The following MAGI3 variants were observed in gnomAD, a reference collection of about 807,000 sequenced individuals.
The protein encoded by MAGI3 is membrane-associated guanylate kinase, WW and PDZ domain-containing protein 3.
In MAGI3, 43 loss-of-function variants were observed where a neutral mutation model predicts 121.8. The ratio of observed to expected loss-of-function variants is 0.35; its 90% CI spans 0.28 to 0.46. The LOEUF (loss-of-function observed/expected upper bound fraction) is 0.46, where lower values mean the gene tolerates loss of function less well. MAGI3 is among the 20% of genes least tolerant of loss of function. MAGI3 has a pLI of 1.00. For missense variants in MAGI3, 1,547 were observed against 1,797.3 expected, an observed-to-expected ratio of 0.86 and a Z score of 2.52; for synonymous variants, 553 against 639.3, an observed-to-expected ratio of 0.86 and a Z score of 2.04.
intron 1 of MAGI3, among the ~76,000 whole-genome samples, chr1:113,545,058 G>A (rs1659466619): frequency 6.7e-6 from 1 of 149,028 alleles, no homozygotes; most frequent in Non-Finnish European, 1.5e-5. Flanking sequence ...ACAAAATATA[G>A]TTTTTTGTTT....
intron 1 of MAGI3, among the ~76,000 whole-genome samples, chr1:113,530,905 GC>G (rs200694214): frequency 1.5e-4 from 18 of 122,036 alleles, no homozygotes; most frequent in African/African-American, 4.7e-4. Flanking sequence ...AGCAGAGCAA[GC>G]CCCTGTCTCA....
chr1:113,549,511 C>A lies in MAGI3; in HGVS notation c.317-4C>A. ...TCTGTTTTTTTTTTTTGTCTTTGCT[C>A]CAGGCAAAGTCATTAATAAAGATTT... On this transcript the variant is annotated splice_polypyrimidine_tract_variant and splice_region_variant and intron_variant, in intron 1 of 20. Transcript: ENST00000307546. 2 of 1,463,388 alleles carry A rather than the reference C, an allele frequency of 1.4e-6. No individual in the cohort carries two copies. The highest frequency in any genetic ancestry group is 1.9e-6 in the Non-Finnish European group (2 of 1,073,376). The allele number at this position is 1,463,388 out of a possible 1,614,324, so 90.7% of individuals were successfully genotyped here. A position where few individuals can be genotyped will look rare whatever the true frequency, so the allele number is the denominator to read the frequency against.
chr1:113,401,696 A>G (rs1651416113), intron 1 of MAGI3, among the ~76,000 whole-genome samples: 1 of 152,160 alleles, frequency 6.6e-6, no homozygotes, highest in African/African-American at 2.4e-5. Flanking sequence ...GAGCCTAGAA[A>G]ATGTTCTGGT....
chr1:113,436,811 CTTTT>C (rs1026496354), intron 1 of MAGI3, among the ~76,000 whole-genome samples: 1 of 124,126 alleles, frequency 8.1e-6, no homozygotes, highest in Non-Finnish European at 1.7e-5. Flanking sequence ...TAAAGACAGT[CTTTT>C]TTTTTTTTTT....
chr1:113,468,237 G>A (rs1026999861), intron 1 of MAGI3, among the ~76,000 whole-genome samples: 1 of 152,090 alleles, frequency 6.6e-6, no homozygotes, highest in Non-Finnish European at 1.5e-5. Context: ...AATATATAGT[G>A]ACTTAGTACT....
intron 1 of MAGI3, among the ~76,000 whole-genome samples, chr1:113,408,525 TTGTCTTTAAAAGTCAAACTAATTGTC>T (rs555925715): frequency 0.023 from 3,521 of 152,192 alleles, 132 homozygotes; most frequent in African/African-American, 0.08. Flanking sequence ...TGAGACATGT[TTGTCTTTAAAAGTCAAACTAATTGTC>T]TGTCTTTAAA....
chr1:113,514,921 A>G (rs1195899141), intron 1 of MAGI3, among the ~76,000 whole-genome samples: 1 of 152,096 alleles, frequency 6.6e-6, no homozygotes, highest in Non-Finnish European at 1.5e-5. Context: ...TAAGAGAGGA[A>G]TTTTCATACT....
At chr1:113,531,251 A>G (rs181399924) in intron 1 of MAGI3, among the ~76,000 whole-genome samples, 6 of 152,316 alleles carry the variant, frequency 3.9e-5, no homozygotes, top group African/African-American at 1.2e-4. Flanking sequence ...CTTAACAGTC[A>G]CTGGAACAAT....
At position 113,684,602 on chromosome 1, in the gene MAGI3, A is replaced by G. The variant is rs1036196661; in HGVS notation, c.*588A>G. ...ACCCCCAAACATCACTACTTTAAGGAAAAAAAAAATGTAGTCCAATATTGA... is the reference window on the plus strand; with the variant it reads ...ACCCCCAAACATCACTACTTTAAGGGAAAAAAAAATGTAGTCCAATATTGA... On this transcript the variant is annotated 3_prime_UTR_variant, in exon 21 of 21. Transcript: ENST00000307546. The G allele has an allele frequency of 3.3e-5, 4 of 121,334 alleles. No homozygotes were observed. Among genetic ancestry groups the G allele is most frequent in the African/African-American group, 1.0e-4 (4 of 38,772 alleles). 7.5% of individuals were successfully genotyped at this position (121,334 alleles called of 1,614,324 possible).
chr1:113,538,907 G>A (rs989121369), intron 1 of MAGI3, among the ~76,000 whole-genome samples: 1 of 152,166 alleles, frequency 6.6e-6, no homozygotes, highest in Non-Finnish European at 1.5e-5. Flanking sequence ...CAGCTTTCAT[G>A]TAGAACTTGG....
intron 2 of MAGI3, among the ~76,000 whole-genome samples, chr1:113,574,265 G>T (rs747855144): frequency 4.6e-5 from 7 of 152,102 alleles, no homozygotes; most frequent in Non-Finnish European, 1.0e-4. Flanking sequence ...TTGCACATTA[G>T]TCGATGCAGT....
chr1:113,574,854 G>A (rs1647524096), intron 2 of MAGI3, among the ~76,000 whole-genome samples: 1 of 152,072 alleles, frequency 6.6e-6, no homozygotes, highest in Admixed American at 6.5e-5. Flanking sequence ...TTTTCACATA[G>A]TCTCATATTT....
intron 4 of MAGI3, among the ~76,000 whole-genome samples, chr1:113,588,715 T>C (rs1337312625): frequency 1.3e-5 from 2 of 152,080 alleles, no homozygotes; most frequent in East Asian, 3.9e-4. Context: ...GAAATGATCA[T>C]TGGATTTAGC....
Position 113,396,466 on chromosome 1 carries a change from T to G in MAGI3, c.316+5117T>G, listed in dbSNP as rs1651123764. 1.3e-5 allele frequency among the ~76,000 whole-genome samples: 2 copies of G among 152,186 alleles called. 1 individual carries two copies. Among genetic ancestry groups the G allele is most frequent in the Non-Finnish European group, 2.9e-5 (2 of 68,026 alleles). Reference sequence around the variant, plus strand: ...AGAGTGAATGCCCTGAATTTAAAACTATTGTCTAAAGTAAGAGTTTCAGAA... The same window carrying G: ...AGAGTGAATGCCCTGAATTTAAAACGATTGTCTAAAGTAAGAGTTTCAGAA... On this transcript the variant is annotated intron_variant, in intron 1 of 20. Coordinates refer to ENST00000307546, the MANE Select transcript of MAGI3 (RefSeq NM_001142782.2).
intron 4 of MAGI3, among the ~76,000 whole-genome samples, chr1:113,587,950 T>C (rs1570906684): frequency 1.3e-5 from 2 of 152,228 alleles, no homozygotes; most frequent in Non-Finnish European, 2.9e-5. Context: ...TCAACAAATA[T>C]GTAGTGAGCA....
At chr1:113,409,685 A>G (rs1344367926) in intron 1 of MAGI3, among the ~76,000 whole-genome samples, 1 of 151,990 alleles carries the variant, frequency 6.6e-6, no homozygotes, top group Non-Finnish European at 1.5e-5. Context: ...ACTTCTTGGT[A>G]TTACTTTTCT....
chr1:113,619,620 C>A, intron 7 of MAGI3, 116 bp from the exon 8 acceptor site: 1 of 689,858 alleles, frequency 1.4e-6, no homozygotes, highest in Non-Finnish European at 2.5e-6. Context: ...TGTTCCATAG[C>A]CTAAAGATAC....
intron 1 of MAGI3, among the ~76,000 whole-genome samples, chr1:113,492,570 G>A (rs542828955): frequency 1.3e-5 from 2 of 152,256 alleles, no homozygotes; most frequent in African/African-American, 4.8e-5. Flanking sequence ...GCAAGAGAAA[G>A]ACAGAGCATC....
intron 1 of MAGI3, among the ~76,000 whole-genome samples, chr1:113,538,550 T>A (rs573938053): frequency 5.9e-5 from 9 of 152,324 alleles, no homozygotes; most frequent in African/African-American, 1.4e-4. Flanking sequence ...GGGTTTTTTT[T>A]AAGTACTAAA....
Sources: allele counts gnomAD v4.1 joint callset (sites outside exome capture counted in the v4.1 genomes callset), GRCh38; gene constraint gnomAD v4.1.1; transcripts MANE v1.5; gene names NCBI Gene and HGNC (gene_info 2026-07-23, HGNC 2026-07-21).